MED13L: variants seen among roughly 807,000 people sequenced by gnomAD.
The protein encoded by MED13L is mediator complex subunit 13L, also known as mediator of RNA polymerase II transcription subunit 13-like.
MED13L carries 7 observed loss-of-function variants against 220.9 expected under a neutral mutation model. That is an observed-to-expected ratio of 0.03 (90% CI 0.02 to 0.06). The LOEUF is 0.06. Ranked by LOEUF, MED13L falls within the 10% of genes least tolerant of loss-of-function variation. The pLI is 1.00. For synonymous variants in MED13L, 1,011 were observed against 1,015.2 expected (o/e 1.00, Z 0.08); for missense variants, 1,965 against 2,760.5 (o/e 0.71, Z 6.46).
rs1304011583 is a variant in MED13L, at chr12:116,208,396, C to T, written c.310+29072G>A. Among the ~76,000 whole-genome samples the T allele has an allele frequency of 6.7e-5, 10 of 150,142 alleles. No individual in the cohort carries two copies. The Admixed American group carries it at 6.7e-4, about 10-fold the overall frequency. On this transcript the variant is annotated intron_variant, in intron 2 of 30. Coordinates refer to ENST00000281928, the MANE Select transcript of MED13L (RefSeq NM_015335.5). The stretch of plus-strand genomic sequence containing the variant: ...GGGCAACAAGAGCAAAACTCCGTCT[C>T]AAAACAAAAGGATAACAACTGCAAT...
chr12:116,234,163 T>A (rs1032910684), intron 2 of MED13L, among the ~76,000 whole-genome samples: 128 of 152,188 alleles, frequency 8.4e-4, no homozygotes, highest in African/African-American at 3.0e-3. Context: ...TTAAAAAAAA[T>A]GTTAAATAAT....
intron 2 of MED13L, among the ~76,000 whole-genome samples, chr12:116,187,402 A>T (rs73398819): frequency 0.029 from 4,370 of 152,260 alleles, 196 homozygotes; most frequent in African/African-American, 0.099. Context: ...AAAGCCTGAC[A>T]CACAAATAAT....
intron 1 of MED13L, among the ~76,000 whole-genome samples, chr12:116,265,180 G>C (rs975093210): frequency 1.3e-5 from 2 of 152,132 alleles, no homozygotes; most frequent in Admixed American, 1.3e-4. Flanking sequence ...GGTTCACCAC[G>C]ATTGTCTCTG....
chr12:116,181,156 C>T (rs1464252909), intron 2 of MED13L: 1 of 152,130 alleles, frequency 6.6e-6, no homozygotes, highest in Non-Finnish European at 1.5e-5. Flanking sequence ...GTCTCAAACT[C>T]CTGACCTGGT....
intron 2 of MED13L, among the ~76,000 whole-genome samples, chr12:116,151,603 A>C (rs1878045348): frequency 1.3e-5 from 2 of 152,240 alleles, no homozygotes; most frequent in South Asian, 4.1e-4. Flanking sequence ...GTCACATTAC[A>C]ATGGACCTAA....
At chr12:116,074,149 C>T (rs994203901) in intron 4 of MED13L, among the ~76,000 whole-genome samples, 2 of 152,226 alleles carry the variant, frequency 1.3e-5, no homozygotes, top group South Asian at 2.1e-4. Flanking sequence ...AATCCCAGCA[C>T]TTTGGGACAC....
chr12:115,977,196 A>G (rs1299318430), intron 23 of MED13L, among the ~76,000 whole-genome samples: 1 of 152,176 alleles, frequency 6.6e-6, no homozygotes, highest in Admixed American at 6.6e-5. Flanking sequence ...CTGGTCATTC[A>G]AGTACAGGCT....
chr12:116,146,872 A>C (rs1430691938), intron 2 of MED13L, among the ~76,000 whole-genome samples: 1 of 152,080 alleles, frequency 6.6e-6, no homozygotes, highest in Non-Finnish European at 1.5e-5. Context: ...TGTCTCAAAA[A>C]TAATAATTAA....
At chr12:116,250,499 C>G (rs896939596) in intron 1 of MED13L, among the ~76,000 whole-genome samples, 52 of 151,116 alleles carry the variant, frequency 3.4e-4, no homozygotes, top group African/African-American at 1.0e-3. Context: ...CATGGTGGCT[C>G]ACACCTGTAA....
chr12:116,034,255 A>T (rs958053028), intron 4 of MED13L, among the ~76,000 whole-genome samples: 36 of 152,106 alleles, frequency 2.4e-4, no homozygotes, highest in African/African-American at 8.2e-4. Context: ...TTTGGACCCC[A>T]GTACTTAGTA....
At chr12:116,252,129 T>G (rs1871618420) in intron 1 of MED13L, among the ~76,000 whole-genome samples, 1 of 151,854 alleles carries the variant, frequency 6.6e-6, no homozygotes, top group African/African-American at 2.4e-5. Flanking sequence ...ATAGAACAAG[T>G]AGACATAAAA....
intron 17 of MED13L, among the ~76,000 whole-genome samples, chr12:115,987,866 A>G (rs1445574625): frequency 6.6e-6 from 1 of 152,192 alleles, no homozygotes; most frequent in Non-Finnish European, 1.5e-5. Flanking sequence ...GATGGGATTC[A>G]CTGCCTTCTA....
intron 14 of MED13L, among the ~76,000 whole-genome samples, chr12:115,999,144 A>G (rs1159091676): frequency 6.6e-6 from 1 of 152,148 alleles, no homozygotes; most frequent in African/African-American, 2.4e-5. Flanking sequence ...CGGGTGGGAT[A>G]GCTCACACCT....
chr12:116,208,381 A>G (rs568422276), intron 2 of MED13L, among the ~76,000 whole-genome samples: 18 of 151,816 alleles, frequency 1.2e-4, no homozygotes, highest in Non-Finnish European at 2.1e-4. Context: ...GGGCAACAAG[A>G]GCAAAACTCC....
chr12:116,119,887 T>C (rs929541419), intron 2 of MED13L, among the ~76,000 whole-genome samples: 3 of 122,364 alleles, frequency 2.5e-5, no homozygotes, highest in Non-Finnish European at 3.3e-5. Context: ...GTCACATAAC[T>C]AAGAAGTCTT....
intron 30 of MED13L, among the ~76,000 whole-genome samples, chr12:115,962,172 T>C (rs1875809138): frequency 6.6e-6 from 1 of 152,218 alleles, no homozygotes; most frequent in Admixed American, 6.5e-5. Context: ...GTATTTCTAT[T>C]GGACAGTGTT....
chr12:116,254,422 G>C (rs753761457), intron 1 of MED13L, among the ~76,000 whole-genome samples: 1 of 151,936 alleles, frequency 6.6e-6, no homozygotes, highest in East Asian at 1.9e-4. Context: ...AATTAATGGC[G>C]TTTCTATAAA....
intron 4 of MED13L, among the ~76,000 whole-genome samples, chr12:116,039,427 T>C (rs533496247): frequency 1.3e-5 from 2 of 152,338 alleles, no homozygotes; most frequent in African/African-American, 4.8e-5. Context: ...AATACTTGTC[T>C]TCCATACTCT....
chr12:116,208,841 G>C (rs1338882837), intron 2 of MED13L, among the ~76,000 whole-genome samples: 1 of 152,058 alleles, frequency 6.6e-6, no homozygotes, highest in Non-Finnish European at 1.5e-5. Context: ...ATGGTGGTGT[G>C]CACCTGTGGT....
Sources: allele counts gnomAD v4.1 joint callset (sites outside exome capture counted in the v4.1 genomes callset), GRCh38; gene constraint gnomAD v4.1.1; transcripts MANE v1.5; gene names NCBI Gene and HGNC (gene_info 2026-07-23, HGNC 2026-07-21).